The following USP9X variants were observed in gnomAD, a reference collection of about 807,000 sequenced individuals.
The protein encoded by USP9X is ubiquitin specific peptidase 9 X-linked, also known as ubiquitin carboxyl-terminal hydrolase 9X.
Under a neutral mutation model 190.3 loss-of-function variants are expected in USP9X, and 7 were observed. That is an observed-to-expected ratio of 0.04 (90% CI 0.02 to 0.07). USP9X has a LOEUF of 0.07. USP9X is among the 10% of genes least tolerant of loss of function. The pLI, the probability that USP9X is intolerant of heterozygous loss-of-function variation, is 1.00. For missense variants in USP9X, 1,010 were observed against 1,916.9 expected, an observed-to-expected ratio of 0.53 and a Z score of 8.83; for synonymous variants, 645 against 659.5, an observed-to-expected ratio of 0.98 and a Z score of 0.34.
At chrX:41,187,710 A>G (rs1195857672) in intron 24 of USP9X, among the ~76,000 whole-genome samples, 3 of 111,579 alleles carry the variant, frequency 2.7e-5, no homozygotes, top group African/African-American at 9.8e-5. Flanking sequence ...ACTTCCACCT[A>G]CTTGGGAGCA....
intron 2 of USP9X, among the ~76,000 whole-genome samples, chrX:41,125,718 T>TCGCG (rs1555918349): frequency 4.5e-4 from 45 of 99,209 alleles, no homozygotes; most frequent in African/African-American, 1.6e-3. Flanking sequence ...TCTCTCTCTC[T>TCGCG]CGCGCACGCG....
At chrX:41,177,424 TCTG>T (rs2062785040) in intron 21 of USP9X, among the ~76,000 whole-genome samples, 1 of 112,213 alleles carries the variant, frequency 8.9e-6, no homozygotes, top group Non-Finnish European at 1.9e-5. Context: ...TCTTATCTGT[TCTG>T]ATGATTATAT....
intron 21 of USP9X, among the ~76,000 whole-genome samples, chrX:41,177,077 A>C: frequency 8.9e-6 from 1 of 112,534 alleles, no homozygotes; most frequent in Non-Finnish European, 1.9e-5. Flanking sequence ...AGTTGTAGAC[A>C]ATCATCTTTT....
chrX:41,223,952 C>T (rs1305961123), intron 39 of USP9X, among the ~76,000 whole-genome samples: 1 of 110,340 alleles, frequency 9.1e-6, no homozygotes, highest in Non-Finnish European at 1.9e-5. Context: ...CCTGTAATCC[C>T]TATGCTTTGG....
chrX:41,141,576 A>G (rs1270119932), intron 9 of USP9X, 145 bp downstream of exon 9: 2 of 581,319 alleles, frequency 3.4e-6, no homozygotes, highest in Non-Finnish European at 2.4e-6. Flanking sequence ...TAACTCTGTT[A>G]ATCCTGAGAA....
At chrX:41,129,867 T>G (rs1299783115) in intron 3 of USP9X, among the ~76,000 whole-genome samples, 1 of 111,851 alleles carries the variant, frequency 8.9e-6, no homozygotes, top group Non-Finnish European at 1.9e-5. Flanking sequence ...TTACTGAGTT[T>G]TTTTTTAAAT....
intron 32 of USP9X, 137 bp downstream of exon 32, chrX:41,205,630 T>TG (rs1180442198): frequency 2.7e-5 from 13 of 488,616 alleles, no homozygotes; most frequent in Non-Finnish European, 3.4e-5. Flanking sequence ...CTTAATTGGG[T>TG]GGGTTTTTTT....
At chrX:41,208,628 T>C (rs2063127998) in intron 32 of USP9X, among the ~76,000 whole-genome samples, 1 of 112,309 alleles carries the variant, frequency 8.9e-6, no homozygotes. Context: ...CTAATTAACA[T>C]TTTGCCATAT....
At chrX:41,091,619 T>C (rs1188810589) in intron 1 of USP9X, among the ~76,000 whole-genome samples, 2 of 112,110 alleles carry the variant, frequency 1.8e-5, no homozygotes, top group African/African-American at 6.5e-5. Flanking sequence ...ATTTTACTTA[T>C]TTTTTGCTAA....
chrX:41,125,680 A>ACTCTCTCTCTCTCTCT (rs1270231301), intron 2 of USP9X, among the ~76,000 whole-genome samples: 2 of 26,645 alleles, frequency 7.5e-5, no homozygotes, highest in African/African-American at 1.4e-4. Flanking sequence ...ACACACACAC[A>ACTCTCTCTCTCTCTCT]CACACTCTCT....
chrX:41,096,201 C>A (rs930066782), intron 1 of USP9X, among the ~76,000 whole-genome samples: 1 of 112,592 alleles, frequency 8.9e-6, no homozygotes, highest in African/African-American at 3.2e-5. Flanking sequence ...TCTTCCCCCC[C>A]GCTCCCCGCA....
In USP9X at chrX:41,201,231, G is replaced by T. The variant is rs1284960542; in HGVS notation, c.4775G>T (p.Gly1592Val). 8.3e-7 allele frequency: 1 copy of T among 1,211,600 alleles called. No homozygotes were observed. The highest frequency in any genetic ancestry group is 1.7e-5 in the African/African-American group (1 of 57,800). Reference protein sequence around the residue: ...RNGILAIEGTGSDVDDDMSGD... With the variant: ...RNGILAIEGTVSDVDDDMSGD... ...GGTATTCTTGCCATTGAAGGCACAG[G>T]TAGTGATGTAGATGATGATATGTCT... The change falls in exon 31 of 45, where the codon GGT (glycine) becomes GTT (valine). Residue 1592 changes from glycine (G) to valine (V), a missense_variant. Physicochemically the swap from Gly to Val is moderately radical, Grantham distance 109. Around this residue, in one of 11 missense-constraint regions of USP9X, gnomAD observed 120 missense variants for 342.7 expected, o/e 0.35. Coordinates refer to ENST00000378308, the MANE Select transcript of USP9X (RefSeq NM_001039591.3).
At chrX:41,213,895 A>G (rs17145980) in intron 33 of USP9X, among the ~76,000 whole-genome samples, 15,551 of 111,907 alleles carry the variant, frequency 0.14, 981 homozygotes, top group East Asian at 0.22. Context: ...ATCCCTCAGT[A>G]CTTTTACACA....
At chrX:41,212,081 G>A (rs1245064684) in intron 33 of USP9X, among the ~76,000 whole-genome samples, 1 of 112,454 alleles carries the variant, frequency 8.9e-6, no homozygotes, top group Non-Finnish European at 1.9e-5. Context: ...GTAGAAAGAG[G>A]TAGACATGGG....
chrX:41,210,804 C>G (rs2063150532), intron 33 of USP9X, 122 bp downstream of exon 33: 2 of 734,919 alleles, frequency 2.7e-6, no homozygotes, highest in Non-Finnish European at 3.9e-6. Flanking sequence ...ATACCTGAAA[C>G]AGAATGATTT....
At chrX:41,204,186 C>T (rs749998697) in intron 31 of USP9X, among the ~76,000 whole-genome samples, 12 of 111,915 alleles carry the variant, frequency 1.1e-4, no homozygotes, top group African/African-American at 3.2e-4. Flanking sequence ...AAATGGTTAA[C>T]GATTTTGAGC....
rs148628005 is a variant in USP9X at position 41,091,381 on chromosome X, C to T, written c.-159+5272C>T. On this transcript the variant is annotated intron_variant, in intron 1 of 44. Coordinates refer to ENST00000378308, the MANE Select transcript of USP9X (RefSeq NM_001039591.3). ...TTACATACTCTGGTGTCACCCCTTACTCCTGCCATTCCTTTGCTGTATTGA... is the reference window on the plus strand; with the variant it reads ...TTACATACTCTGGTGTCACCCCTTATTCCTGCCATTCCTTTGCTGTATTGA... Among the ~76,000 whole-genome samples, 954 of 111,869 alleles carry T rather than the reference C, an allele frequency of 8.5e-3. 6 individuals carry two copies. The highest frequency in any genetic ancestry group is 0.013 in the Non-Finnish European group (699 of 53,066).
chrX:41,109,770 TG>T (rs111621725), intron 1 of USP9X, among the ~76,000 whole-genome samples: 223 of 109,056 alleles, frequency 2.0e-3, no homozygotes, highest in African/African-American at 6.8e-3. Context: ...ACACTGGGGA[TG>T]GGGGGGGCAG....
rs1000779966 is a variant in USP9X, at chrX:41,166,319, G to C, written c.2328+105G>C. On this transcript the variant is annotated intron_variant, in intron 16 of 44. Coordinates refer to ENST00000378308, the MANE Select transcript of USP9X (RefSeq NM_001039591.3). The stretch of plus-strand genomic sequence containing the variant: ...AATTGTGTATTTTACTCTGATGTTT[G>C]TCTCAGGAATTTGGTGTAGTTAGGA... 6 of 626,319 alleles carry C rather than the reference G, an allele frequency of 9.6e-6. No individual in the cohort carries two copies. The African/African-American group carries it at 1.4e-4, about 14-fold the overall frequency. The allele number at this position is 626,319 out of a possible 1,213,427, so 51.6% of individuals were successfully genotyped here.
Sources: gnomAD v4.1 joint callset for allele counts (sites outside exome capture counted in the v4.1 genomes callset) on GRCh38, gnomAD v4.1.1 for gene constraint, gnomAD v4.1.1 regional missense constraint, MANE v1.5 for transcripts, NCBI Gene and HGNC (gene_info 2026-07-23, HGNC 2026-07-21) for gene names.